EML6: variants seen among roughly 807,000 people sequenced by gnomAD.
EML6 encodes EMAP like 6.
A neutral mutation model predicts 240.1 loss-of-function variants in EML6; 154 were observed. The ratio of observed to expected loss-of-function variants is 0.64; its 90% CI spans 0.56 to 0.73. EML6 has a LOEUF of 0.73. Ranked by LOEUF, EML6 falls within the 30% of genes least tolerant of loss-of-function variation. EML6 has a pLI of 0.00. For synonymous variants in EML6, 1,148 were observed against 899.0 expected (o/e 1.28, Z -4.95); for missense variants, 2,964 against 2,474.6 (o/e 1.20, Z -4.20).
intron 25 of EML6, among the ~76,000 whole-genome samples, chr2:54,915,909 T>C (rs1205749434): frequency 6.6e-6 from 1 of 152,212 alleles, no homozygotes; most frequent in Non-Finnish European, 1.5e-5. Context: ...GTAAATGAGA[T>C]AAAATCTCCC....
chr2:54,799,599 TC>T (rs1478842811), intron 2 of EML6, among the ~76,000 whole-genome samples: 1 of 152,174 alleles, frequency 6.6e-6, no homozygotes, highest in East Asian at 1.9e-4. Context: ...CGCCTTGGCC[TC>T]CCAAAGTGCT....
intron 24 of EML6, among the ~76,000 whole-genome samples, chr2:54,907,530 A>C (rs535414845): frequency 6.6e-6 from 1 of 152,138 alleles, no homozygotes; most frequent in East Asian, 1.9e-4. Flanking sequence ...AAAAATGACA[A>C]TTTGAGCCAT....
chr2:54,786,627 T>C (rs961095656), intron 2 of EML6, among the ~76,000 whole-genome samples: 12 of 152,170 alleles, frequency 7.9e-5, no homozygotes, highest in Non-Finnish European at 4.4e-5. Flanking sequence ...CACACATTCC[T>C]CTCCATTATA....
At chr2:54,941,217 A>G (rs1675411765) in intron 28 of EML6, among the ~76,000 whole-genome samples, 1 of 152,246 alleles carries the variant, frequency 6.6e-6, no homozygotes, top group Admixed American at 6.5e-5. Context: ...TGGTATCATT[A>G]GCATATCTTT....
At chr2:54,926,023 G>T (rs1350731330) in intron 26 of EML6, among the ~76,000 whole-genome samples, 1 of 152,162 alleles carries the variant, frequency 6.6e-6, no homozygotes, top group Non-Finnish European at 1.5e-5. Context: ...GTGAATGTAG[G>T]GGAGAGTGCA....
intron 24 of EML6, among the ~76,000 whole-genome samples, chr2:54,906,976 G>A (rs1558672283): frequency 1.3e-5 from 2 of 152,146 alleles, no homozygotes. Flanking sequence ...TTCTCAGGGT[G>A]GGGGATGGCA....
At chr2:54,836,626 A>G (rs541190388) in intron 7 of EML6, among the ~76,000 whole-genome samples, 5 of 152,154 alleles carry the variant, frequency 3.3e-5, no homozygotes, top group Non-Finnish European at 5.9e-5. Flanking sequence ...ACAGGATCCC[A>G]TTTAATCCTC....
intron 8 of EML6, among the ~76,000 whole-genome samples, chr2:54,846,110 A>T (rs1309605952): frequency 1.3e-5 from 2 of 152,140 alleles, no homozygotes; most frequent in Non-Finnish European, 2.9e-5. Flanking sequence ...CTCGTTTGCC[A>T]CTTCTCCAGC....
At position 54,950,593 on chromosome 2, in the gene EML6, C is replaced by T. The variant is rs941587949; in HGVS notation, c.4084-57C>T. ...GCTGCTCACGCAATGTGGGTGTGTT[C>T]CTCGGCTCTCCCTTCCTTCCTCTGA... On this transcript the variant is annotated intron_variant, in intron 29 of 41. Coordinates refer to ENST00000356458, the MANE Select transcript of EML6 (RefSeq NM_001039753.4). The T allele has an allele frequency of 2.6e-6, 4 of 1,541,542 alleles. No homozygotes were observed. The African/African-American group carries it at 5.5e-5, about 21-fold the overall frequency.
At position 54,959,318 on chromosome 2, in the gene EML6, T is replaced by A. The variant is rs142539548; in HGVS notation, c.4853+57T>A. 163 of 1,448,816 alleles carry A rather than the reference T, an allele frequency of 1.1e-4. No individual in the cohort carries two copies. In the African/African-American group the frequency reaches 2.2e-3, roughly 19 times the overall value. The allele number at this position is 1,448,816 out of a possible 1,614,324, so 89.7% of individuals were successfully genotyped here. ...CGTTTGTTGTTATCTTGGGAGAAAC[T>A]GACAAAAGTGTTCCCAACTTGGAGA... is the stretch of plus-strand genomic sequence containing the variant. On this transcript the variant is annotated intron_variant, in intron 34 of 41. Coordinates refer to ENST00000356458, the MANE Select transcript of EML6 (RefSeq NM_001039753.4).
intron 24 of EML6, among the ~76,000 whole-genome samples, chr2:54,910,034 A>G (rs1673557198): frequency 1.3e-5 from 2 of 152,164 alleles, no homozygotes; most frequent in South Asian, 4.1e-4. Context: ...GAGAAATATT[A>G]TGTATATGTA....
intron 28 of EML6, 117 bp from the exon 29 acceptor site, chr2:54,948,765 G>C (rs1266748730): frequency 1.4e-6 from 1 of 722,794 alleles, no homozygotes; most frequent in Non-Finnish European, 2.4e-6. Context: ...CAAGTGGAGG[G>C]GCCTTTGAGG....
chr2:54,850,539 A>G (rs1044115055), intron 10 of EML6, among the ~76,000 whole-genome samples: 21 of 152,166 alleles, frequency 1.4e-4, no homozygotes, highest in African/African-American at 3.9e-4. Flanking sequence ...AAAGATATAT[A>G]TCTAGAATAT....
intron 17 of EML6, chr2:54,883,005 TAG>T (rs1671921033): frequency 2.0e-5 from 3 of 152,056 alleles, no homozygotes; most frequent in African/African-American, 4.8e-5. Context: ...ATGACTATGA[TAG>T]AGTCTCCCGC....
At chr2:54,756,115 G>A (rs764288793) in intron 2 of EML6, among the ~76,000 whole-genome samples, 4 of 152,116 alleles carry the variant, frequency 2.6e-5, no homozygotes, top group South Asian at 2.1e-4. Context: ...TGAGAATGCC[G>A]TGAGCGATAG....
Position 54,844,264 on chromosome 2 carries a change from C to T in EML6, c.1049+16C>T, listed in dbSNP as rs565488691. The T allele has an allele frequency of 1.4e-5, 22 of 1,546,616 alleles. No homozygotes were observed. The highest frequency in any genetic ancestry group is 2.4e-5 in the South Asian group (2 of 83,922). On this transcript the variant is annotated intron_variant, in intron 8 of 41. Transcript: ENST00000356458. ...GCTCTGTCAGGTGAGGCCCTACCGC[C>T]GTCACCTCTCTGACTTCTTTGAGAT...
At chr2:54,917,362 T>G (rs1473451361) in intron 26 of EML6, among the ~76,000 whole-genome samples, 2 of 148,782 alleles carry the variant, frequency 1.3e-5, no homozygotes, top group Admixed American at 6.7e-5. Flanking sequence ...TTTTTTGTTT[T>G]TTTTTTTTTT....
At chr2:54,874,126 T>A (rs1297151357) in intron 16 of EML6, among the ~76,000 whole-genome samples, 1 of 152,204 alleles carries the variant, frequency 6.6e-6, no homozygotes, top group African/African-American at 2.4e-5. Context: ...TTAAATACCT[T>A]TGGAAGAAGA....
chr2:54,847,229 G>A (rs1053076766), intron 8 of EML6, among the ~76,000 whole-genome samples: 3 of 151,494 alleles, frequency 2.0e-5, no homozygotes, highest in African/African-American at 7.3e-5. Flanking sequence ...TTTTTGTTCT[G>A]TGAATCTCAA....
Sources: gnomAD v4.1 joint callset for allele counts (sites outside exome capture counted in the v4.1 genomes callset) on GRCh38, gnomAD v4.1.1 for gene constraint, MANE v1.5 for transcripts, NCBI Gene and HGNC (gene_info 2026-07-23, HGNC 2026-07-21) for gene names.